The following FAM135B variants were observed in gnomAD, a reference collection of about 807,000 sequenced individuals.
The protein encoded by FAM135B is protein FAM135B.
In FAM135B, 43 loss-of-function variants were observed where a neutral mutation model predicts 127.7. That is an observed-to-expected ratio of 0.34 (90% CI 0.26 to 0.43). The LOEUF (loss-of-function observed/expected upper bound fraction) is 0.43. Among genes scored for constraint, FAM135B ranks in the 20% least tolerant of loss-of-function variants. FAM135B has a pLI of 1.00. For missense variants in FAM135B, 1,558 were observed against 1,725.6 expected, an observed-to-expected ratio of 0.90 and a Z score of 1.72; for synonymous variants, 670 against 665.1, an observed-to-expected ratio of 1.01 and a Z score of -0.11.
intron 3 of FAM135B, among the ~76,000 whole-genome samples, chr8:138,280,453 C>T (rs750067064): frequency 2.4e-4 from 36 of 152,306 alleles, no homozygotes; most frequent in Non-Finnish European, 4.6e-4. Context: ...GGGCCACAAT[C>T]GGCTGGCCCT....
chr8:138,306,781 G>T (rs746844013), intron 3 of FAM135B, among the ~76,000 whole-genome samples: 40 of 152,142 alleles, frequency 2.6e-4, no homozygotes, highest in Non-Finnish European at 5.4e-4. Flanking sequence ...ATGGGCTTTT[G>T]CCATGTTGGC....
intron 1 of FAM135B, among the ~76,000 whole-genome samples, chr8:138,477,982 C>A (rs1000370796): frequency 2.0e-5 from 3 of 152,114 alleles, no homozygotes; most frequent in Non-Finnish European, 4.4e-5. Flanking sequence ...GGGTTCTTGA[C>A]GACTTCCCAC....
At chr8:138,240,148 A>G (rs1451641256) in intron 7 of FAM135B, among the ~76,000 whole-genome samples, 1 of 152,188 alleles carries the variant, frequency 6.6e-6, no homozygotes, top group Non-Finnish European at 1.5e-5. Context: ...AAAGTATAAA[A>G]AGAAAAGAAA....
intron 2 of FAM135B, among the ~76,000 whole-genome samples, chr8:138,331,685 G>T (rs1563905963): frequency 6.6e-6 from 1 of 152,206 alleles, no homozygotes; most frequent in Non-Finnish European, 1.5e-5. Flanking sequence ...TCTTTTCTCT[G>T]GGGTGAACAG....
intron 1 of FAM135B, among the ~76,000 whole-genome samples, chr8:138,401,105 G>T (rs1833131593): frequency 1.3e-5 from 2 of 152,092 alleles, no homozygotes. Flanking sequence ...TATTAACTGG[G>T]ATTATATCAA....
intron 1 of FAM135B, among the ~76,000 whole-genome samples, chr8:138,466,759 T>C (rs1486658743): frequency 6.6e-6 from 1 of 152,218 alleles, no homozygotes; most frequent in African/African-American, 2.4e-5. Context: ...GATGTTCTGT[T>C]TAATTTACTT....
chr8:138,397,323 A>T (rs1365235669), intron 1 of FAM135B, among the ~76,000 whole-genome samples: 8 of 152,204 alleles, frequency 5.3e-5, no homozygotes, highest in African/African-American at 1.9e-4. Context: ...ATGTGTATGA[A>T]ATGTCCAGGA....
At chr8:138,210,874 T>C (rs1305289947) in intron 7 of FAM135B, among the ~76,000 whole-genome samples, 1 of 152,124 alleles carries the variant, frequency 6.6e-6, no homozygotes, top group Non-Finnish European at 1.5e-5. Context: ...CACACACCCA[T>C]GTAGCCCCTC....
At chr8:138,380,355 C>T (rs1831773233) in intron 1 of FAM135B, among the ~76,000 whole-genome samples, 1 of 152,012 alleles carries the variant, frequency 6.6e-6, no homozygotes, top group South Asian at 2.1e-4. Context: ...TGCCACCACG[C>T]CTGGCTAGTT....
rs1437142101 is a variant in FAM135B at position 138,175,981 on chromosome 8, A to T, written c.1103+1366T>A. Among the ~76,000 whole-genome samples, 4 of 152,296 alleles carry T rather than the reference A, an allele frequency of 2.6e-5. No individual in the cohort carries two copies. In the East Asian group the frequency reaches 5.8e-4, roughly 22 times the overall value. On this transcript the variant is annotated intron_variant, in intron 11 of 19. Coordinates refer to ENST00000395297, the MANE Select transcript of FAM135B (RefSeq NM_015912.4). ...GTGTTCCATGTGCATGGACATGCCCATTATGTCCTCACAATTGCTGTCTTA... is the reference window on the plus strand; with the variant it reads ...GTGTTCCATGTGCATGGACATGCCCTTTATGTCCTCACAATTGCTGTCTTA...
At chr8:138,493,762 G>C (rs1290843621) in intron 1 of FAM135B, among the ~76,000 whole-genome samples, 4 of 152,126 alleles carry the variant, frequency 2.6e-5, no homozygotes, top group African/African-American at 9.7e-5. Flanking sequence ...TACAGTTAAT[G>C]AACTACTTTT....
At chr8:138,355,977 G>C (rs1453680841) in intron 2 of FAM135B, among the ~76,000 whole-genome samples, 2 of 152,168 alleles carry the variant, frequency 1.3e-5, no homozygotes, top group African/African-American at 4.8e-5. Context: ...GAGTGGATGA[G>C]TGACTTATAA....
rs1816306882 is a variant in FAM135B, at chr8:138,132,726, C to T, written c.4088G>A (p.Arg1363Gln). ...LVEAKDCTLI[R>Q]HNVFHALPNT... ...GGGCAGGGCGTGGAACACGTTGTGT[C>T]GGATTAAAGTGCAGTCCTTGGCTTC... The change falls in exon 20 of 20, where the codon CGA (arginine) becomes CAA (glutamine). Residue 1363 changes from arginine to glutamine, a missense_variant. By Grantham distance (43) the Arg-to-Gln change is conservative. Transcript: ENST00000395297. This position sits in a 1 kb window ranked among gnomAD's most constrained non-coding sequence, Gnocchi z 4.5. 2.5e-6 allele frequency: 4 copies of T among 1,614,104 alleles called. No homozygotes were observed. Among genetic ancestry groups the T allele is most frequent in the Non-Finnish European group, 3.4e-6 (4 of 1,180,030 alleles).
intron 1 of FAM135B, among the ~76,000 whole-genome samples, chr8:138,406,947 G>C (rs1410528182): frequency 1.3e-5 from 2 of 151,188 alleles, no homozygotes; most frequent in East Asian, 3.9e-4. Flanking sequence ...TATTCAATTA[G>C]GAAAAGAGGA....
intron 12 of FAM135B, among the ~76,000 whole-genome samples, chr8:138,159,134 C>T (rs1038211176): frequency 8.8e-5 from 13 of 147,892 alleles, no homozygotes; most frequent in East Asian, 2.0e-4. Flanking sequence ...TAGCCGGGCG[C>T]GGTGGCGGGT....
intron 1 of FAM135B, among the ~76,000 whole-genome samples, chr8:138,464,384 A>C (rs900647807): frequency 6.6e-6 from 1 of 152,146 alleles, no homozygotes; most frequent in Admixed American, 6.5e-5. Context: ...AGACCTCCAG[A>C]CCTCTCAAAA....
chr8:138,412,590 C>G (rs1833926423), intron 1 of FAM135B, among the ~76,000 whole-genome samples: 1 of 152,192 alleles, frequency 6.6e-6, no homozygotes, highest in South Asian at 2.1e-4. Context: ...GACTTTGCTT[C>G]TGTCTTATAT....
intron 8 of FAM135B, among the ~76,000 whole-genome samples, chr8:138,196,968 A>C (rs1816679767): frequency 6.6e-6 from 1 of 152,184 alleles, no homozygotes; most frequent in Non-Finnish European, 1.5e-5. Context: ...ATGATGTCTC[A>C]TCTTTGGAAA....
In FAM135B at chr8:138,197,567, G is replaced by A. The variant is rs2131137671; in HGVS notation, c.772C>T (p.His258Tyr). 6.2e-7 allele frequency: 1 copy of A among 1,614,128 alleles called. No individual in the cohort carries two copies. The highest frequency in any genetic ancestry group is 8.5e-7 in the Non-Finnish European group (1 of 1,180,018). ...LLHAYRGLRL[H>Y]FLVIMRDIPE... ...ATGTCCCGCATGATCACCAGGAAGT[G>A]GAGACGGAGACCCCGGTAAGCGTGG... The change falls in exon 8 of 20, where the codon CAC becomes TAC. Residue 258 changes from histidine (H) to tyrosine (Y), a missense_variant. His to Tyr is a moderately conservative substitution (Grantham distance 83). This residue lies in a region of FAM135B where 127 missense variants were observed against 109.7 expected (regional missense o/e 1.16). Coordinates refer to ENST00000395297, the MANE Select transcript of FAM135B (RefSeq NM_015912.4).
Sources: allele counts gnomAD v4.1 joint callset (sites outside exome capture counted in the v4.1 genomes callset), GRCh38; gene constraint gnomAD v4.1.1; regional missense constraint gnomAD v4.1.1; non-coding constraint Gnocchi (gnomAD v3.1); transcripts MANE v1.5; gene names NCBI Gene and HGNC (gene_info 2026-07-23, HGNC 2026-07-21).